Variants in KMT2C observed in about 807,000 individuals in gnomAD.
KMT2C encodes the protein histone-lysine N-methyltransferase 2C.
Under a neutral mutation model 507.9 loss-of-function variants are expected in KMT2C, and 88 were observed. That is an observed-to-expected ratio of 0.17 (90% CI 0.15 to 0.21). The LOEUF (loss-of-function observed/expected upper bound fraction) is 0.21, where lower values mean the gene tolerates loss of function less well. KMT2C is among the 10% of genes least tolerant of loss of function. The probability of loss-of-function intolerance (pLI) is 1.00; values close to 1 mark genes in which losing one functional copy is unlikely to be tolerated. For missense variants in KMT2C, 4,954 were observed against 5,957.8 expected (o/e 0.83, Z 5.55); for synonymous variants, 2,049 against 2,080.8 (o/e 0.98, Z 0.42).
chr7:152,182,859 T>TC (rs1369192501), intron 35 of KMT2C, 115 bp downstream of exon 35: 1 of 767,588 alleles, frequency 1.3e-6, no homozygotes, highest in Admixed American at 2.9e-5. Context: ...AACAAGTCTA[T>TC]CCTAAATCAA....
In KMT2C at chr7:152,145,207, C is replaced by G. The variant is rs2129093295; in HGVS notation, c.14120G>C (p.Gly4707Ala). ...MELPLAVNPTGCARSEPKMSA... is the reference protein window; with the variant it reads ...MELPLAVNPTACARSEPKMSA... ...CATTTTAGGTTCAGAACGGGCACAA[C>G]CTGTGGGGTTAACGGCAAGAGGAAG... Residue 4707 changes from glycine to alanine, a missense_variant, in exon 54 of 59, where the codon GGT becomes GCT. Gly to Ala is a moderately conservative substitution (Grantham distance 60). Coordinates refer to ENST00000262189, the MANE Select transcript of KMT2C (RefSeq NM_170606.3). The G allele has an allele frequency of 6.2e-7, 1 of 1,614,152 alleles. No individual in the cohort carries two copies. The highest frequency in any genetic ancestry group is 8.5e-7 in the Non-Finnish European group (1 of 1,180,020).
At chr7:152,339,643 A>G (rs980099422) in intron 2 of KMT2C, among the ~76,000 whole-genome samples, 9 of 152,266 alleles carry the variant, frequency 5.9e-5, no homozygotes, top group Admixed American at 5.9e-4. Flanking sequence ...ACCAAAGGGG[A>G]CTATGGCACT....
chr7:152,165,151 T>C (rs1240092397), intron 42 of KMT2C, among the ~76,000 whole-genome samples: 1 of 152,356 alleles, frequency 6.6e-6, no homozygotes, highest in Non-Finnish European at 1.5e-5. Flanking sequence ...GTTGGTGAAG[T>C]AGTAAGAAAG....
intron 1 of KMT2C, among the ~76,000 whole-genome samples, chr7:152,414,267 A>G (rs1173840332): frequency 2.0e-5 from 3 of 149,140 alleles, no homozygotes; most frequent in Non-Finnish European, 4.4e-5. Context: ...GCTGGCTCAC[A>G]CCTGTAATCC....
intron 15 of KMT2C, among the ~76,000 whole-genome samples, chr7:152,236,962 G>A (rs1406777385): frequency 6.6e-6 from 1 of 152,126 alleles, no homozygotes; most frequent in Admixed American, 6.5e-5. Flanking sequence ...TAATTTATCT[G>A]ACTTCTTACA....
Position 152,203,071 on chromosome 7 carries a change from C to T in KMT2C, c.3962-7G>A, listed in dbSNP as rs373596978. ...GGTAACTGCTCACTCCAGCCTGAAA[C>T]AACAGTCACATTTATAAATATGTGA... On this transcript the variant is annotated splice_region_variant and splice_polypyrimidine_tract_variant and intron_variant, in intron 25 of 58. Coordinates refer to ENST00000262189, the MANE Select transcript of KMT2C (RefSeq NM_170606.3). 3 of 1,584,406 alleles carry T rather than the reference C, an allele frequency of 1.9e-6. No homozygotes were observed. Among genetic ancestry groups the T allele is most frequent in the Non-Finnish European group, 2.6e-6 (3 of 1,168,636 alleles).
chr7:152,193,823 G>C (rs2093881604), intron 31 of KMT2C, among the ~76,000 whole-genome samples, 186 bp downstream of exon 31: 2 of 152,144 alleles, frequency 1.3e-5, no homozygotes, highest in South Asian at 2.1e-4. Flanking sequence ...CAGAATTACA[G>C]AGAATTTCAG....
intron 9 of KMT2C, among the ~76,000 whole-genome samples, chr7:152,253,696 G>A (rs889846625): frequency 1.3e-5 from 2 of 151,702 alleles, no homozygotes; most frequent in Non-Finnish European, 2.9e-5. Flanking sequence ...TGGTGGGTGG[G>A]GAAACACAGA....
At chr7:152,223,028 G>A (rs143833504) in intron 20 of KMT2C, among the ~76,000 whole-genome samples, 15 of 152,316 alleles carry the variant, frequency 9.8e-5, no homozygotes, top group African/African-American at 3.1e-4. Flanking sequence ...AGTGCTAGCA[G>A]GTATGTGCTC....
At chr7:152,310,413 A>G (rs531348863) in intron 5 of KMT2C, among the ~76,000 whole-genome samples, 57 of 152,226 alleles carry the variant, frequency 3.7e-4, no homozygotes, top group Admixed American at 2.0e-4. Context: ...CTGTCTCTAC[A>G]AATTAGCTGG....
At chr7:152,307,515 T>A (rs975080569) in intron 6 of KMT2C, among the ~76,000 whole-genome samples, 1 of 152,148 alleles carries the variant, frequency 6.6e-6, no homozygotes, top group Non-Finnish European at 1.5e-5. Flanking sequence ...GAGTTACCAC[T>A]AGATCCCTTC....
intron 2 of KMT2C, among the ~76,000 whole-genome samples, chr7:152,347,312 G>C (rs765030629): frequency 6.6e-6 from 1 of 152,136 alleles, no homozygotes; most frequent in African/African-American, 2.4e-5. Flanking sequence ...TCATGACTTT[G>C]CTTCTTGTAG....
intron 6 of KMT2C, among the ~76,000 whole-genome samples, chr7:152,302,991 T>C (rs2096584558): frequency 6.6e-6 from 1 of 152,134 alleles, no homozygotes; most frequent in Admixed American, 6.5e-5. Flanking sequence ...TTGTAGCATG[T>C]AGAATGAAAA....
At chr7:152,431,571 A>C (rs2097862559) in intron 1 of KMT2C, among the ~76,000 whole-genome samples, 1 of 150,322 alleles carries the variant, frequency 6.7e-6, no homozygotes, top group Non-Finnish European at 1.5e-5. Flanking sequence ...GCACCACTGC[A>C]CTCCAGCCTG....
At position 152,151,576 on chromosome 7, in the gene KMT2C, A is replaced by C; in HGVS notation, c.12532T>G (p.Ser4178Ala). The change falls in exon 50 of 59, where the codon TCT (serine) becomes GCT (alanine). Residue 4178 changes from serine to alanine, a missense_variant. This residue lies in a region of KMT2C where 417 missense variants were observed against 461.1 expected (regional missense o/e 0.90). Transcript: ENST00000262189. ...CCATGACTAGAATCCTTATATCCAGAAAGACCTAAAGGCAATCAACTTTTG... is the reference window on the plus strand; with the variant it reads ...CCATGACTAGAATCCTTATATCCAGCAAGACCTAAAGGCAATCAACTTTTG... ...VPFPPTSNGLSGYKDSSHGIA... is the reference protein window; with the variant it reads ...VPFPPTSNGLAGYKDSSHGIA... 6.2e-7 allele frequency: 1 copy of C among 1,613,706 alleles called. No individual in the cohort carries two copies. The highest frequency in any genetic ancestry group is 8.5e-7 in the Non-Finnish European group (1 of 1,179,824).
At position 152,176,793 on chromosome 7, in the gene KMT2C, G is replaced by A. The variant is rs571543770; in HGVS notation, c.8660C>T (p.Ala2887Val). Reference protein sequence around the residue: ...LFEKRTNRETAGPSANVIQAS... With the variant: ...LFEKRTNRETVGPSANVIQAS... ...CTGAATGACATTTGCACTGGGGCCA[G>A]CAGTTTCTCGATTGGTTCTTTTCTC... The change falls in exon 38 of 59, where the codon GCT (alanine) becomes GTT (valine). Residue 2887 changes from alanine (A) to valine (V), a missense_variant. Physicochemically the swap from Ala to Val is moderately conservative, Grantham distance 64. Around this residue, in one of 29 missense-constraint regions of KMT2C, gnomAD observed 1,689 missense variants for 1,654.3 expected, o/e 1.02. Transcript: ENST00000262189. The A allele has an allele frequency of 6.2e-7, 1 of 1,614,198 alleles. No individual in the cohort carries two copies. The highest frequency in any genetic ancestry group is 8.5e-7 in the Non-Finnish European group (1 of 1,180,040).
intron 46 of KMT2C, chr7:152,154,869 A>G (rs2091929507): frequency 6.2e-6 from 1 of 160,074 alleles, no homozygotes; most frequent in Non-Finnish European, 1.4e-5. Context: ...AAAAGGAAAG[A>G]GAAGTCCAAC....
chr7:152,229,491 T>C (rs1042461297), intron 18 of KMT2C, among the ~76,000 whole-genome samples: 66 of 152,298 alleles, frequency 4.3e-4, no homozygotes, highest in African/African-American at 1.5e-3. Context: ...ACTTGTTTTG[T>C]TTCTTTTGGC....
chr7:152,254,613 G>A (rs2095615206), intron 9 of KMT2C, among the ~76,000 whole-genome samples: 2 of 152,078 alleles, frequency 1.3e-5, no homozygotes, highest in African/African-American at 4.8e-5. Context: ...CAATTCTAAA[G>A]GCAACATCTT....
Sources: allele counts gnomAD v4.1 joint callset (sites outside exome capture counted in the v4.1 genomes callset), GRCh38; gene constraint gnomAD v4.1.1; regional missense constraint gnomAD v4.1.1; transcripts MANE v1.5; gene names NCBI Gene and HGNC (gene_info 2026-07-23, HGNC 2026-07-21).